The following AKAP3 variants were observed in gnomAD, a reference collection of about 807,000 sequenced individuals.
AKAP3 encodes the protein A-kinase anchoring protein 3, also known as A-kinase anchor protein 3.
A neutral mutation model predicts 57.2 loss-of-function variants in AKAP3; 27 were observed. The observed-to-expected ratio is 0.47, with a 90% CI of 0.35 to 0.65. AKAP3 has a LOEUF of 0.65. Among genes scored for constraint, AKAP3 ranks in the 30% least tolerant of loss-of-function variants. AKAP3 has a pLI of 0.01. For synonymous variants in AKAP3, 334 were observed against 392.3 expected (o/e 0.85, Z 1.76); for missense variants, 959 against 1,040.0 (o/e 0.92, Z 1.07).
intron 3 of AKAP3, among the ~76,000 whole-genome samples, chr12:4,640,154 G>A (rs1479373012): frequency 2.0e-5 from 3 of 152,096 alleles, no homozygotes; most frequent in African/African-American, 4.8e-5. Flanking sequence ...ATCATTGATG[G>A]ACATTTGGGT....
intron 4 of AKAP3, chr12:4,635,493 G>GT (rs34880694): frequency 0.24 from 160,892 of 675,214 alleles, 23,437 homozygotes; most frequent in East Asian, 0.46. Context: ...ATTCACTGAT[G>GT]TTTAGCTGAT....
chr12:4,636,980 A>G (rs1232478293), intron 4 of AKAP3, among the ~76,000 whole-genome samples: 1 of 152,158 alleles, frequency 6.6e-6, no homozygotes, highest in Non-Finnish European at 1.5e-5. Context: ...TCCTGGGCTC[A>G]AGCAATCCTC....
Position 4,627,257 on chromosome 12 carries a change from TC to T in AKAP3, c.1644del (p.Ser549AlafsTer18), listed in dbSNP as rs763875420. 6.2e-7 allele frequency: 1 copy of T among 1,614,024 alleles called. No homozygotes were observed. Among genetic ancestry groups the T allele is most frequent in the South Asian group, 1.1e-5 (1 of 91,062 alleles). On this transcript the variant is annotated frameshift_variant, in exon 5 of 6. Transcript: ENST00000228850. LOFTEE classifies it high-confidence loss of function. ...GTGGTGCCAGCAGCTTCAACGAAGCTCCGTGCATCCCTTCTTCCTCCCTGGG... is the reference window on the plus strand; with the variant it reads ...GTGGTGCCAGCAGCTTCAACGAAGCTCGTGCATCCCTTCTTCCTCCCTGGG... Reference protein sequence around the residue: ...HLAQGGRRDARSFVEAAGTTN... With the variant: ...HLAQGGRRDAXSFVEAAGTTN...
In AKAP3 at chr12:4,638,234, A is replaced by G. The variant is rs936309395; in HGVS notation, c.1-38T>C. Reference sequence around the variant, plus strand: ...GAAAAAAATGAGAAAGGGTCATCACAAGGGCAGATTTTATGAAAGTAAGAA... The same window carrying G: ...GAAAAAAATGAGAAAGGGTCATCACGAGGGCAGATTTTATGAAAGTAAGAA... On this transcript the variant is annotated intron_variant, in intron 3 of 5. Transcript: ENST00000228850. 5 of 1,405,392 alleles carry G rather than the reference A, an allele frequency of 3.6e-6. No individual in the cohort carries two copies. The African/African-American group carries it at 7.2e-5, about 20-fold the overall frequency. The allele number at this position is 1,405,392 out of a possible 1,614,324, so 87.1% of individuals were successfully genotyped here.
chr12:4,643,761 C>T (rs570004282), intron 2 of AKAP3, among the ~76,000 whole-genome samples: 33 of 152,134 alleles, frequency 2.2e-4, no homozygotes, highest in Non-Finnish European at 3.5e-4. Context: ...AACATAGGGG[C>T]TTGGTTATGG....
chr12:4,627,231 G>A lies in AKAP3; in HGVS notation c.1671C>T (p.Thr557=). 1 of 1,614,048 alleles carries A rather than the reference G, an allele frequency of 6.2e-7. No individual in the cohort carries two copies. The highest frequency in any genetic ancestry group is 8.5e-7 in the Non-Finnish European group (1 of 1,179,982). Residue 557 remains threonine (T), a synonymous_variant, in exon 5 of 6, where the codon ACC becomes ACT. Transcript: ENST00000228850. ...ARSFVEAAGT[T]NFPANEPPVA... is the part of the protein sequence containing the mutation. ...CAGGAGGTTCATTGGCAGGAAAGTT[G>A]GTGGTGCCAGCAGCTTCAACGAAGC... is the stretch of plus-strand genomic sequence containing the variant.
chr12:4,628,515 G>T lies in AKAP3; in HGVS notation c.387C>A (p.Asn129Lys). The T allele has an allele frequency of 6.2e-7, 1 of 1,614,168 alleles. No homozygotes were observed. Among genetic ancestry groups the T allele is most frequent in the Non-Finnish European group, 8.5e-7 (1 of 1,180,002 alleles). ...SSVDEVSFYA[N>K]RLTNLVIAMA... ...TGGCTATGACTAGATTCGTGAGGCGGTTAGCATAGAAGGAAACTTCATCTA... is the reference window on the plus strand; with the variant it reads ...TGGCTATGACTAGATTCGTGAGGCGTTTAGCATAGAAGGAAACTTCATCTA... Residue 129 changes from asparagine to lysine, a missense_variant, in exon 5 of 6, where the codon AAC becomes AAA. By Grantham distance (94) the Asn-to-Lys change is moderately conservative. Coordinates refer to ENST00000228850, the MANE Select transcript of AKAP3 (RefSeq NM_001278309.2).
At chr12:4,635,933 C>A in intron 4 of AKAP3, 1 of 824,056 alleles carries the variant, frequency 1.2e-6, no homozygotes. Flanking sequence ...CCAACACTAG[C>A]AGTTGGTTTT....
intron 5 of AKAP3, among the ~76,000 whole-genome samples, chr12:4,622,634 T>A (rs562328795): frequency 1.3e-5 from 2 of 152,292 alleles, no homozygotes; most frequent in South Asian, 4.1e-4. Flanking sequence ...CAACTCAACA[T>A]GGATTAAAGA....
At chr12:4,635,969 A>G in intron 4 of AKAP3, 3 of 1,180,222 alleles carry the variant, frequency 2.5e-6, no homozygotes, top group Non-Finnish European at 3.8e-6. Context: ...TTTCACAAAG[A>G]AACAGCTTTT....
Position 4,626,984 on chromosome 12 carries a change from G to C in AKAP3, c.1918C>G (p.Leu640Val). The stretch of plus-strand genomic sequence containing the variant: ...CCAGGGGTCTCATCATCCTCATATA[G>C]CCTGGGGGGAGAAGACGCCAACGGT... ...ERPLASSPPR[L>V]YEDDETPGAL... Residue 640 changes from leucine (L) to valine (V), a missense_variant, in exon 5 of 6, where the codon CTA (leucine) becomes GTA (valine). Coordinates refer to ENST00000228850, the MANE Select transcript of AKAP3 (RefSeq NM_001278309.2). The C allele has an allele frequency of 6.2e-7, 1 of 1,614,102 alleles. No individual in the cohort carries two copies. Among genetic ancestry groups the C allele is most frequent in the Middle Eastern group, 1.7e-4 (1 of 6,060 alleles).
intron 4 of AKAP3, among the ~76,000 whole-genome samples, chr12:4,634,837 C>G (rs1945544076): frequency 6.6e-6 from 1 of 151,440 alleles, no homozygotes; most frequent in Admixed American, 6.6e-5. Flanking sequence ...TCTTGTGGTT[C>G]ATTTATTAAA....
chr12:4,647,236 C>T (rs1250503216), intron 1 of AKAP3, among the ~76,000 whole-genome samples: 1 of 152,104 alleles, frequency 6.6e-6, no homozygotes, highest in Non-Finnish European at 1.5e-5. Context: ...GCATCCATTA[C>T]GCCACCCGAT....
At chr12:4,630,940 T>C (rs1591529223) in intron 4 of AKAP3, among the ~76,000 whole-genome samples, 1 of 152,308 alleles carries the variant, frequency 6.6e-6, no homozygotes, top group Admixed American at 6.5e-5. Context: ...ATGGGAGTCA[T>C]TATTTTGCCC....
chr12:4,637,845 A>G (rs183013886), intron 4 of AKAP3, among the ~76,000 whole-genome samples: 1 of 152,318 alleles, frequency 6.6e-6, no homozygotes, highest in East Asian at 1.9e-4. Flanking sequence ...ATATATACAT[A>G]CATGATATAT....
At chr12:4,633,258 T>C (rs569529550) in intron 4 of AKAP3, among the ~76,000 whole-genome samples, 340 of 151,830 alleles carry the variant, frequency 2.2e-3, no homozygotes, top group African/African-American at 8.0e-3. Flanking sequence ...AATCCATCTC[T>C]ACAAAAAATA....
At chr12:4,631,102 C>T (rs770987405) in intron 4 of AKAP3, among the ~76,000 whole-genome samples, 2 of 152,204 alleles carry the variant, frequency 1.3e-5, no homozygotes, top group Admixed American at 6.5e-5. Context: ...TGCAGACATT[C>T]GGTTTTTCTA....
At chr12:4,631,219 T>A (rs373256800) in intron 4 of AKAP3, 1 of 582,244 alleles carries the variant, frequency 1.7e-6, no homozygotes, top group Admixed American at 3.0e-5. Context: ...GTCTGACCAT[T>A]TGGTAATCTC....
chr12:4,634,505 T>C (rs930174288), intron 4 of AKAP3, among the ~76,000 whole-genome samples: 7 of 152,214 alleles, frequency 4.6e-5, no homozygotes, highest in African/African-American at 1.7e-4. Flanking sequence ...CAATTGCTAG[T>C]GCATTGACTA....
Sources: gnomAD v4.1 joint callset for allele counts (sites outside exome capture counted in the v4.1 genomes callset) on GRCh38, gnomAD v4.1.1 for gene constraint, MANE v1.5 for transcripts, NCBI Gene and HGNC (gene_info 2026-07-23, HGNC 2026-07-21) for gene names.